The following MCM6 variants were observed in gnomAD, a reference collection of about 807,000 sequenced individuals.
MCM6 encodes DNA replication licensing factor MCM6.
MCM6 carries 46 observed loss-of-function variants against 94.3 expected under a neutral mutation model. The ratio of observed to expected loss-of-function variants is 0.49; its 90% CI spans 0.39 to 0.62. The LOEUF is 0.62. MCM6 is among the 20% of genes least tolerant of loss of function. MCM6 has a pLI of 0.00. For synonymous variants in MCM6, 335 were observed against 351.9 expected, an observed-to-expected ratio of 0.95 and a Z score of 0.54; for missense variants, 865 against 1,017.9, an observed-to-expected ratio of 0.85 and a Z score of 2.04.
intron 6 of MCM6, 140 bp from the exon 7 acceptor site, chr2:135,865,303 A>G: frequency 3.8e-6 from 2 of 522,238 alleles, no homozygotes; most frequent in South Asian, 7.6e-5. Flanking sequence ...TTAAAAAAAA[A>G]CAACTCCCCA....
chr2:135,866,083 CAG>C (rs777723679), intron 6 of MCM6, 47 bp downstream of exon 6: 12 of 1,604,678 alleles, frequency 7.5e-6, no homozygotes, highest in African/African-American at 2.7e-5. Flanking sequence ...GCCTGGGTGA[CAG>C]AGAGAGACTG....
intron 8 of MCM6, among the ~76,000 whole-genome samples, chr2:135,861,243 A>C (rs1679987553): frequency 6.6e-6 from 1 of 152,212 alleles, no homozygotes; most frequent in Admixed American, 6.5e-5. Flanking sequence ...TGTAGTATGA[A>C]GTACACATGT....
intron 11 of MCM6, among the ~76,000 whole-genome samples, chr2:135,853,287 CA>C (rs985504020): frequency 6.6e-6 from 1 of 152,006 alleles, no homozygotes; most frequent in Admixed American, 6.6e-5. Context: ...CCTGTCTCTA[CA>C]AAAAAACTAG....
Position 135,872,850 on chromosome 2 carries a change from G to A in MCM6, c.108-7C>T. On this transcript the variant is annotated splice_region_variant and splice_polypyrimidine_tract_variant and intron_variant, in intron 1 of 16. Transcript: ENST00000264156. Reference sequence around the variant, plus strand: ...TCCATCGCTGCTCTGAAACCTGCAGGTACATTCGAGTCAACTAGATTAAGG... The same window carrying A: ...TCCATCGCTGCTCTGAAACCTGCAGATACATTCGAGTCAACTAGATTAAGG... The A allele has an allele frequency of 1.2e-6, 2 of 1,613,480 alleles. No homozygotes were observed. Among genetic ancestry groups the A allele is most frequent in the South Asian group, 1.1e-5 (1 of 91,020 alleles).
intron 11 of MCM6, among the ~76,000 whole-genome samples, chr2:135,854,562 AAAAGAAAAAG>A (rs1426645620): frequency 9.6e-6 from 1 of 103,936 alleles, no homozygotes; most frequent in African/African-American, 3.2e-5. Context: ...GAGAAAAAGA[AAAAGAAAAAG>A]AAAAAGAAAA....
intron 12 of MCM6, 56 bp downstream of exon 12, chr2:135,852,731 A>T (rs1679799847): frequency 8.1e-7 from 1 of 1,236,422 alleles, no homozygotes; most frequent in Non-Finnish European, 1.1e-6. Context: ...ACACTTACTT[A>T]AATTCCACTT....
rs769188722 is a variant in MCM6 at position 135,865,010 on chromosome 2, T to C, written c.1078+3A>G. On this transcript the variant is annotated splice_donor_region_variant and intron_variant, in intron 7 of 16. Transcript: ENST00000264156. The stretch of plus-strand genomic sequence containing the variant: ...TTATGGTACAAATGGATGGAATTCT[T>C]ACCATGTATAGTAGGGAACAGGCTG... 6.4e-6 allele frequency: 9 copies of C among 1,402,044 alleles called. No individual in the cohort carries two copies. In the Admixed American group the frequency reaches 2.4e-4, roughly 37 times the overall value. 86.9% of individuals were successfully genotyped at this position (1,402,044 alleles called of 1,614,324 possible).
intron 1 of MCM6, 74 bp downstream of exon 1, chr2:135,876,185 C>T: frequency 1.7e-6 from 2 of 1,200,890 alleles, no homozygotes; most frequent in Non-Finnish European, 2.2e-6. Flanking sequence ...ACACCCGCCG[C>T]CCACACGGCA....
chr2:135,874,610 A>G (rs967162778), intron 1 of MCM6, among the ~76,000 whole-genome samples: 2 of 152,250 alleles, frequency 1.3e-5, no homozygotes, highest in Non-Finnish European at 2.9e-5. Flanking sequence ...TGCAGTATAT[A>G]TACAGGTTGA....
At chr2:135,847,546 TTTTC>T (rs1679692229) in intron 14 of MCM6, among the ~76,000 whole-genome samples, 1 of 152,204 alleles carries the variant, frequency 6.6e-6, no homozygotes, top group Non-Finnish European at 1.5e-5. Flanking sequence ...TTTTGCTGCC[TTTTC>T]TTTTAGTCTT....
In MCM6 at chr2:135,870,278, G is replaced by A. The variant is rs772169779; in HGVS notation, c.338C>T (p.Ala113Val). Residue 113 changes from alanine (A) to valine (V), a missense_variant, in exon 3 of 17, where the codon GCA becomes GTA. Physicochemically the swap from Ala to Val is moderately conservative, Grantham distance 64 (BLOSUM62 0). Transcript: ENST00000264156. ...EIPLAKDFYV[A>V]FQDLPTRHKI... ...GTGTCTGGTAGGCAGGTCTTGGAATGCAACATAAAAATCCTTGGCAAGAGG... is the reference window on the plus strand; with the variant it reads ...GTGTCTGGTAGGCAGGTCTTGGAATACAACATAAAAATCCTTGGCAAGAGG... 5.0e-6 allele frequency: 8 copies of A among 1,613,646 alleles called. No individual in the cohort carries two copies. In the South Asian group the frequency reaches 7.7e-5, roughly 16 times the overall value.
Position 135,866,627 on chromosome 2 carries a change from A to AAT in MCM6, c.716_717insAT (p.Asp240LeufsTer10). On this transcript the variant is annotated frameshift_variant, in exon 5 of 17. Transcript: ENST00000264156. LOFTEE classifies it high-confidence loss of function. ...GTGTCCCTGTAAAGTCACACTTGTC[A>AAT]CCAGCTTGAGCTGATTCCACAGCTT... 1 of 1,614,194 alleles carries AAT rather than the reference A, an allele frequency of 6.2e-7. No homozygotes were observed. The highest frequency in any genetic ancestry group is 8.5e-7 in the Non-Finnish European group (1 of 1,180,018).
At chr2:135,868,925 G>A in intron 3 of MCM6, 65 bp from the exon 4 acceptor site, 1 of 1,460,536 alleles carries the variant, frequency 6.8e-7, no homozygotes, top group Non-Finnish European at 9.5e-7. Context: ...TTCCATTTTA[G>A]TGAGAGGGTA....
intron 2 of MCM6, among the ~76,000 whole-genome samples, chr2:135,871,547 T>A (rs1164312299): frequency 2.6e-5 from 4 of 152,232 alleles, no homozygotes; most frequent in African/African-American, 4.8e-5. Context: ...CTGATTCTAT[T>A]TCTATAGACT....
Position 135,872,771 on chromosome 2 carries a change from T to C in MCM6, c.180A>G (p.Thr60=). The C allele has an allele frequency of 2.5e-6, 4 of 1,614,202 alleles. No homozygotes were observed. The highest frequency in any genetic ancestry group is 3.4e-6 in the Non-Finnish European group (4 of 1,180,038). Residue 60 remains threonine, a synonymous_variant, in exon 2 of 17, where the codon ACA becomes ACG. Coordinates refer to ENST00000264156, the MANE Select transcript of MCM6 (RefSeq NM_005915.6). ...AEELIRPERN[T]LVVSFVDLEQ... is the part of the protein sequence containing the mutation. ...CCAGGTCCACAAAACTCACAACCAA[T>C]GTGTTTCTCTCAGGACGAATCAGTT...
Position 135,852,846 on chromosome 2 carries a change from C to G in MCM6, c.1696G>C (p.Val566Leu). ...HSRIEESIDR[V>L]YSLDDIRRYL... ...CTTCTGATATCATCGAGGGAATAGA[C>G]ACGATCAATTGATTCCTCAATTCTT... is the stretch of plus-strand genomic sequence containing the variant. Residue 566 changes from valine (V) to leucine (L), a missense_variant, in exon 12 of 17, where the codon GTC becomes CTC. Physicochemically the swap from Val to Leu is conservative, Grantham distance 32. Coordinates refer to ENST00000264156, the MANE Select transcript of MCM6 (RefSeq NM_005915.6). 8 of 1,610,716 alleles carry G rather than the reference C, an allele frequency of 5.0e-6. No homozygotes were observed. The highest frequency in any genetic ancestry group is 6.8e-6 in the Non-Finnish European group (8 of 1,178,184).
chr2:135,854,341 C>A (rs976922237), intron 11 of MCM6, among the ~76,000 whole-genome samples: 1 of 151,652 alleles, frequency 6.6e-6, no homozygotes, highest in South Asian at 2.1e-4. Context: ...ACCAGCCTGG[C>A]CAATAAAGTG....
intron 1 of MCM6, among the ~76,000 whole-genome samples, chr2:135,875,984 C>A (rs1680288241): frequency 6.6e-6 from 1 of 152,214 alleles, no homozygotes; most frequent in Non-Finnish European, 1.5e-5. Flanking sequence ...ACCAGGCTCG[C>A]GGGGTGGTGA....
chr2:135,848,327 A>C (rs930298670), intron 13 of MCM6, 139 bp from the exon 14 acceptor site: 1 of 569,338 alleles, frequency 1.8e-6, no homozygotes, highest in African/African-American at 1.8e-5. Context: ...TGGTTTTCTC[A>C]CAAACACCCT....
Sources: allele counts gnomAD v4.1 joint callset (sites outside exome capture counted in the v4.1 genomes callset), GRCh38; gene constraint gnomAD v4.1.1; transcripts MANE v1.5; gene names NCBI Gene and HGNC (gene_info 2026-07-23, HGNC 2026-07-21).